GATAD2A: variants seen among roughly 807,000 people sequenced by gnomAD.
The protein encoded by GATAD2A is transcriptional repressor p66-alpha.
A neutral mutation model predicts 68.5 loss-of-function variants in GATAD2A; 12 were observed. The observed-to-expected ratio is 0.18, with a 90% CI of 0.11 to 0.28. The LOEUF is 0.28. Ranked by LOEUF, GATAD2A falls within the 10% of genes least tolerant of loss-of-function variation. GATAD2A has a pLI of 1.00. For synonymous variants in GATAD2A, 410 were observed against 375.3 expected (o/e 1.09, Z -1.07); for missense variants, 755 against 868.5 (o/e 0.87, Z 1.64).
intron 1 of GATAD2A, among the ~76,000 whole-genome samples, chr19:19,414,961 A>G (rs1432470931): frequency 6.6e-6 from 1 of 150,552 alleles, no homozygotes; most frequent in Non-Finnish European, 1.5e-5. Flanking sequence ...CAGCCTTAAA[A>G]AAAAACTATA....
At chr19:19,406,770 G>A (rs2050324805) in intron 1 of GATAD2A, among the ~76,000 whole-genome samples, 2 of 152,206 alleles carry the variant, frequency 1.3e-5, no homozygotes, top group East Asian at 1.9e-4. Context: ...AACAAGGAAA[G>A]GCTTATGGGC....
intron 8 of GATAD2A, among the ~76,000 whole-genome samples, chr19:19,499,984 G>A (rs1407147733): frequency 6.6e-6 from 1 of 152,196 alleles, no homozygotes; most frequent in Non-Finnish European, 1.5e-5. Flanking sequence ...TGGGGCTGCT[G>A]TAGGAAATGA....
chr19:19,443,027 C>T (rs909732551), intron 1 of GATAD2A, among the ~76,000 whole-genome samples: 6 of 152,112 alleles, frequency 3.9e-5, no homozygotes, highest in African/African-American at 1.2e-4. Flanking sequence ...TGCTCTACAC[C>T]GTCTGCCCTG....
intron 1 of GATAD2A, among the ~76,000 whole-genome samples, chr19:19,424,538 G>A (rs1029523809): frequency 3.3e-5 from 5 of 151,914 alleles, no homozygotes; most frequent in Non-Finnish European, 7.4e-5. Flanking sequence ...CCTCCACTGA[G>A]TTTTTAAATT....
At chr19:19,464,683 T>C (rs1348796525) in intron 1 of GATAD2A, 1 of 152,668 alleles carries the variant, frequency 6.6e-6, no homozygotes, top group Non-Finnish European at 1.5e-5. Context: ...AATCAAGATA[T>C]GTGTGTGCTG....
At chr19:19,494,986 G>A (rs768092906) in intron 5 of GATAD2A, among the ~76,000 whole-genome samples, 1 of 152,228 alleles carries the variant, frequency 6.6e-6, no homozygotes, top group Non-Finnish European at 1.5e-5. Flanking sequence ...TTAATTTTGT[G>A]TTATACGTTT....
At position 19,456,153 on chromosome 19, in the gene GATAD2A, C is replaced by CA. The variant is rs397859145; in HGVS notation, c.-6-9169dup. ...TGAGCGACACAGCGAGACTCCATCT[C>CA]AAAAAAAAAAAAAAAAAAGAGAGAA... is the stretch of plus-strand genomic sequence containing the variant. On this transcript the variant is annotated intron_variant, in intron 1 of 11. Coordinates refer to ENST00000683918, the MANE Select transcript of GATAD2A (RefSeq NM_001384528.1). 8.1e-3 allele frequency among the ~76,000 whole-genome samples: 761 copies of CA among 94,110 alleles called. 4 individuals are homozygous for CA. Among genetic ancestry groups the CA allele is most frequent in the African/African-American group, 0.012 (284 of 24,352 alleles). 61.7% of individuals were successfully genotyped at this position (94,110 alleles called of 152,430 possible). A position where few individuals can be genotyped will look rare whatever the true frequency, so the allele number is the denominator to read the frequency against.
In GATAD2A at chr19:19,398,911, T is replaced by C. The variant is rs926959011; in HGVS notation, c.-7+12773T>C. Among the ~76,000 whole-genome samples, 14 of 152,002 alleles carry C rather than the reference T, an allele frequency of 9.2e-5. 1 individual carries two copies. In the South Asian group the frequency reaches 2.9e-3, roughly 32 times the overall value. ...CTGTCTCTACTAAAACTACAAAAAT[T>C]AGCTGGGCACAGTGGCGGGCGCCTG... On this transcript the variant is annotated intron_variant, in intron 1 of 11. Transcript: ENST00000360315.
At chr19:19,429,423 C>G (rs1444319972) in intron 1 of GATAD2A, among the ~76,000 whole-genome samples, 1 of 152,100 alleles carries the variant, frequency 6.6e-6, no homozygotes, top group Admixed American at 6.5e-5. Flanking sequence ...GGAGCGGGAG[C>G]ATGGAACGTG....
intron 1 of GATAD2A, among the ~76,000 whole-genome samples, chr19:19,426,334 C>G (rs1451110803): frequency 2.6e-5 from 4 of 152,104 alleles, no homozygotes; most frequent in Non-Finnish European, 5.9e-5. Context: ...TAGTCATCTC[C>G]ATTCACACAA....
intron 2 of GATAD2A, among the ~76,000 whole-genome samples, chr19:19,467,248 T>C (rs968171159): frequency 5.3e-5 from 8 of 152,000 alleles, no homozygotes; most frequent in Non-Finnish European, 1.0e-4. Context: ...TGGTGGCGGG[T>C]GCCTGTAGTC....
chr19:19,463,206 G>A (rs1368813671), intron 1 of GATAD2A, among the ~76,000 whole-genome samples: 1 of 152,132 alleles, frequency 6.6e-6, no homozygotes, highest in African/African-American at 2.4e-5. Flanking sequence ...AGTGCTTGAA[G>A]GAGAAATGTC....
intron 2 of GATAD2A, among the ~76,000 whole-genome samples, chr19:19,484,518 CT>C (rs58628123): frequency 0.25 from 27,912 of 113,738 alleles, 4,028 homozygotes; most frequent in African/African-American, 0.38. Context: ...TTTTCTTTTT[CT>C]TTTTTTTTTT....
chr19:19,446,416 A>G (rs2055725024), intron 1 of GATAD2A, among the ~76,000 whole-genome samples: 1 of 149,274 alleles, frequency 6.7e-6, no homozygotes, highest in Admixed American at 6.7e-5. Flanking sequence ...AGGATCCTTC[A>G]TATGTTCTGG....
rs1007599312 is a variant in GATAD2A at position 19,405,995 on chromosome 19, T to C, written c.-31T>C. 6.6e-6 allele frequency: 1 copy of C among 150,540 alleles called. No homozygotes were observed. The highest frequency in any genetic ancestry group is 2.4e-5 in the African/African-American group (1 of 41,076). 9.3% of individuals were successfully genotyped at this position (150,540 alleles called of 1,614,324 possible). Reference sequence around the variant, plus strand: ...AGCCCCCGTAACCTGCGCGCTGCCCTAGGGCCCGGCCGACCCGCGGCCCGG... The same window carrying C: ...AGCCCCCGTAACCTGCGCGCTGCCCCAGGGCCCGGCCGACCCGCGGCCCGG... On this transcript the variant is annotated 5_prime_UTR_variant, in exon 1 of 12. An upstream open reading frame in the 5' UTR loses its in-frame stop. Transcript: ENST00000683918.
rs1405891654 is a variant in GATAD2A at position 19,496,195 on chromosome 19, C to T, written c.900C>T (p.Thr300=). The change falls in exon 7 of 12, where the codon ACC becomes ACT. Residue 300 remains threonine, a synonymous_variant. Transcript: ENST00000683918. The part of the protein sequence containing the change: ...GLIRVANVPN[T]SLLVNIPQPT... ...TCCGCGTCGCCAATGTTCCCAACAC[C>T]AGCCTGCTCGTCAACATCCCACAGG... The T allele has an allele frequency of 6.2e-7, 1 of 1,613,832 alleles. No homozygotes were observed. Among genetic ancestry groups the T allele is most frequent in the Non-Finnish European group, 8.5e-7 (1 of 1,180,008 alleles).
At chr19:19,469,688 T>G (rs2058132304) in intron 2 of GATAD2A, among the ~76,000 whole-genome samples, 2 of 152,190 alleles carry the variant, frequency 1.3e-5, no homozygotes, top group South Asian at 2.1e-4. Context: ...GGCTCACGCC[T>G]GTAATGCCAG....
rs1325047342 is a variant in GATAD2A, at chr19:19,494,360, C to T, written c.601C>T (p.Pro201Ser). ...GCTTGTTCGGGGCACTCAGAACATT[C>T]CTGCTGGCAAGCCATCACTCCAGGT... ...PPLVRGTQNI[P>S]AGKPSLQTSS... Residue 201 changes from proline to serine, a missense_variant, in exon 5 of 12, where the codon CCT becomes TCT. Pro to Ser is a moderately conservative substitution (Grantham distance 74, BLOSUM62 -1). Transcript: ENST00000683918. 6.2e-7 allele frequency: 1 copy of T among 1,610,820 alleles called. No homozygotes were observed. Among genetic ancestry groups the T allele is most frequent in the Non-Finnish European group, 8.5e-7 (1 of 1,177,094 alleles).
intron 2 of GATAD2A, among the ~76,000 whole-genome samples, chr19:19,482,335 C>T (rs542131237): frequency 6.6e-6 from 1 of 152,264 alleles, no homozygotes; most frequent in East Asian, 1.9e-4. Context: ...ACCTGGGAGG[C>T]AGAGTTTGCA....
Sources: allele counts gnomAD v4.1 joint callset (sites outside exome capture counted in the v4.1 genomes callset), GRCh38; gene constraint gnomAD v4.1.1; transcripts MANE v1.5; gene names NCBI Gene and HGNC (gene_info 2026-07-23, HGNC 2026-07-21).